Variants in SPESP1 observed in about 807,000 individuals in gnomAD.
SPESP1 encodes equatorial segment protein.
SPESP1 carries 1 observed loss-of-function variant against 3.1 expected under a neutral mutation model. The observed-to-expected ratio is 0.33, with a 90% CI of 0.12 to 1.54. SPESP1 has a LOEUF of 1.54. Among genes scored for constraint, SPESP1 ranks in the 40% most tolerant of loss-of-function variants. The pLI, the probability that SPESP1 is intolerant of heterozygous loss-of-function variation, is 0.38. For missense variants in SPESP1, 398 were observed against 410.1 expected, an observed-to-expected ratio of 0.97 and a Z score of 0.26; for synonymous variants, 138 against 150.7, an observed-to-expected ratio of 0.92 and a Z score of 0.62.
intron 1 of SPESP1, among the ~76,000 whole-genome samples, chr15:68,934,576 T>C (rs1477844511): frequency 6.6e-6 from 1 of 151,906 alleles, no homozygotes; most frequent in Non-Finnish European, 1.5e-5. Flanking sequence ...TGTGGGGGAG[T>C]AGCAGGAAGT....
At chr15:68,936,499 T>C (rs1895685290) in intron 1 of SPESP1, among the ~76,000 whole-genome samples, 1 of 152,210 alleles carries the variant, frequency 6.6e-6, no homozygotes. Context: ...ATATGAAATG[T>C]CTAGCATAGG....
At position 68,946,722 on chromosome 15, in the gene SPESP1, C is replaced by T. The variant is rs1017225713; in HGVS notation, c.*135C>T. Reference sequence around the variant, plus strand: ...TATAAAAATATTTTCTATTGTAGTTCAAATGTGCCAACATCTTTATGTGTC... The same window carrying T: ...TATAAAAATATTTTCTATTGTAGTTTAAATGTGCCAACATCTTTATGTGTC... On this transcript the variant is annotated 3_prime_UTR_variant, in exon 2 of 2. Coordinates refer to ENST00000310673, the MANE Select transcript of SPESP1 (RefSeq NM_145658.4). The T allele has an allele frequency of 9.0e-7, 1 of 1,108,188 alleles. No homozygotes were observed. Among genetic ancestry groups the T allele is most frequent in the Admixed American group, 3.7e-5 (1 of 26,708 alleles). 68.6% of individuals were successfully genotyped at this position (1,108,188 alleles called of 1,614,324 possible). A position where few individuals can be genotyped will look rare whatever the true frequency, so the allele number is the denominator to read the frequency against.
At chr15:68,930,738 G>C (rs1369540977) in intron 1 of SPESP1, 21 bp downstream of exon 1, 2 of 1,613,610 alleles carry the variant, frequency 1.2e-6, no homozygotes, top group Non-Finnish European at 1.7e-6. Flanking sequence ...GGCCTGAGGA[G>C]GCAGCGGACC....
intron 1 of SPESP1, among the ~76,000 whole-genome samples, chr15:68,936,189 A>G (rs971240205): frequency 3.9e-5 from 6 of 152,206 alleles, no homozygotes; most frequent in Non-Finnish European, 5.9e-5. Context: ...TGAGTTCTTT[A>G]TGGATAAAGC....
chr15:68,946,578 A>C lies in SPESP1; in HGVS notation c.1044A>C (p.Lys348Asn). The C allele has an allele frequency of 6.8e-7, 1 of 1,466,164 alleles. No homozygotes were observed. The highest frequency in any genetic ancestry group is 1.7e-5 in the South Asian group (1 of 59,972). The allele number at this position is 1,466,164 out of a possible 1,614,324, so 90.8% of individuals were successfully genotyped here. A position where few individuals can be genotyped will look rare whatever the true frequency, so the allele number is the denominator to read the frequency against. ...CRSRRVTALL[K>N]VY The stretch of plus-strand genomic sequence containing the variant: ...CAAGGAGAGTCACAGCCTTATTAAA[A>C]GTTTATTAAACAATAATATAAAAAT... Residue 348 changes from lysine (K) to asparagine (N), a missense_variant, in exon 2 of 2, where the codon AAA becomes AAC. Transcript: ENST00000310673.
intron 1 of SPESP1, among the ~76,000 whole-genome samples, chr15:68,944,076 G>A (rs1178295739): frequency 6.6e-6 from 1 of 152,054 alleles, no homozygotes; most frequent in African/African-American, 2.4e-5. Flanking sequence ...TTAGTGTTTG[G>A]TAAAAAGTGA....
chr15:68,932,713 C>T (rs529880407), intron 1 of SPESP1, among the ~76,000 whole-genome samples: 11 of 152,034 alleles, frequency 7.2e-5, no homozygotes, highest in Admixed American at 2.0e-4. Flanking sequence ...TTTCTTAGCA[C>T]CCTATTCCCT....
intron 1 of SPESP1, among the ~76,000 whole-genome samples, chr15:68,935,156 T>C (rs911296192): frequency 4.6e-5 from 7 of 152,246 alleles, no homozygotes; most frequent in African/African-American, 1.7e-4. Flanking sequence ...TTTAAAATAA[T>C]GAGTTTATTT....
Position 68,930,555 on chromosome 15 carries a change from A to ACGGT in SPESP1, c.-98_-95dup. The ACGGT allele has an allele frequency of 1.3e-6, 2 of 1,505,758 alleles. No homozygotes were observed. The highest frequency in any genetic ancestry group is 1.8e-6 in the Non-Finnish European group (2 of 1,094,920). The allele number at this position is 1,505,758 out of a possible 1,614,324, so 93.3% of individuals were successfully genotyped here. On this transcript the variant is annotated 5_prime_UTR_variant, in exon 1 of 2. Coordinates refer to ENST00000310673, the MANE Select transcript of SPESP1 (RefSeq NM_145658.4). The stretch of plus-strand genomic sequence containing the variant: ...TGGGTGTCCCAGGGCCTGAGGCAGG[A>ACGGT]CGGTACTCCGCTGACACCTTCCCTT...
At position 68,946,255 on chromosome 15, in the gene SPESP1, C is replaced by G. The variant is rs895372649; in HGVS notation, c.721C>G (p.Leu241Val). 9.9e-6 allele frequency: 16 copies of G among 1,614,056 alleles called. No homozygotes were observed. Among genetic ancestry groups the G allele is most frequent in the East Asian group, 6.7e-5 (3 of 44,892 alleles). The change falls in exon 2 of 2, where the codon CTT (leucine) becomes GTT (valine). Residue 241 changes from leucine to valine, a missense_variant. By Grantham distance (32) the Leu-to-Val change is conservative. Coordinates refer to ENST00000310673, the MANE Select transcript of SPESP1 (RefSeq NM_145658.4). ...LDINSQVQQA[L>V]LSDTSNPAYR... is the part of the protein sequence containing the mutation. ...TATTAATTCACAAGTGCAACAGGCA[C>G]TTCTTAGTGACACCAGCAACCCAGC...
chr15:68,946,477 G>A lies in SPESP1; in HGVS notation c.943G>A (p.Asp315Asn), dbSNP rs759456907. ...TAGATCTAAACTCTATGAATATTTA[G>A]ATATTAAATGTGTTCCACCAGAGAT... Reference protein sequence around the residue: ...NSRSKLYEYLDIKCVPPEMRE... With the variant: ...NSRSKLYEYLNIKCVPPEMRE... The change falls in exon 2 of 2, where the codon GAT becomes AAT. Residue 315 changes from aspartate (D) to asparagine (N), a missense_variant. Transcript: ENST00000310673. 6.2e-7 allele frequency: 1 copy of A among 1,613,418 alleles called. No individual in the cohort carries two copies. The highest frequency in any genetic ancestry group is 2.2e-5 in the East Asian group (1 of 44,856).
At chr15:68,931,798 A>G (rs1895550155) in intron 1 of SPESP1, among the ~76,000 whole-genome samples, 1 of 152,224 alleles carries the variant, frequency 6.6e-6, no homozygotes, top group Non-Finnish European at 1.5e-5. Flanking sequence ...AGGCTTCCCC[A>G]TTTAGTCTAA....
intron 1 of SPESP1, among the ~76,000 whole-genome samples, chr15:68,940,720 G>A (rs1348319118): frequency 6.9e-6 from 1 of 145,002 alleles, no homozygotes; most frequent in Non-Finnish European, 1.5e-5. Flanking sequence ...TATATTGTTA[G>A]TTATATCTAG....
In SPESP1 at chr15:68,946,332, T is replaced by C. The variant is rs762029726; in HGVS notation, c.798T>C (p.Ala266=). Residue 266 remains alanine, a synonymous_variant, in exon 2 of 2, where the codon GCT becomes GCC. Transcript: ENST00000310673. ...ASKDHLKRSL[A]LAAAAEHKLK... ...AAGATCACCTAAAACGAAGCCTTGC[T>C]CTAGCAGCAGCAGCAGAACATAAAT... 6.2e-7 allele frequency: 1 copy of C among 1,614,178 alleles called. No individual in the cohort carries two copies. The highest frequency in any genetic ancestry group is 1.1e-5 in the South Asian group (1 of 91,088).
intron 1 of SPESP1, among the ~76,000 whole-genome samples, chr15:68,945,351 TAG>T: frequency 6.6e-6 from 1 of 152,282 alleles, no homozygotes; most frequent in South Asian, 2.1e-4. Flanking sequence ...AGCAAAAATA[TAG>T]AGAGAATGGT....
rs759735287 is a variant in SPESP1 at position 68,930,686 on chromosome 15, G to C, written c.33G>C (p.Leu11Phe). The change falls in exon 1 of 2, where the codon TTG becomes TTC. Residue 11 changes from leucine (L) to phenylalanine (F), a missense_variant. By Grantham distance (22) the Leu-to-Phe change is conservative. Coordinates refer to ENST00000310673, the MANE Select transcript of SPESP1 (RefSeq NM_145658.4). Reference sequence around the variant, plus strand: ...CCTTAGTCCTTCTAGTTGCGCTTTTGCTATGGCCTTCGTCTGTGCCGGCTT... The same window carrying C: ...CCTTAGTCCTTCTAGTTGCGCTTTTCCTATGGCCTTCGTCTGTGCCGGCTT... Reference protein sequence around the residue: MKPLVLLVALLLWPSSVPAYP... With the variant: MKPLVLLVALFLWPSSVPAYP... The C allele has an allele frequency of 6.2e-7, 1 of 1,613,930 alleles. No homozygotes were observed. The highest frequency in any genetic ancestry group is 2.2e-5 in the East Asian group (1 of 44,868).
chr15:68,936,723 G>T (rs1281628250), intron 1 of SPESP1, among the ~76,000 whole-genome samples: 2 of 152,114 alleles, frequency 1.3e-5, no homozygotes, highest in African/African-American at 4.8e-5. Flanking sequence ...TTAAGATTGT[G>T]ATTTACTTAC....
chr15:68,930,789 A>G, intron 1 of SPESP1, 72 bp downstream of exon 1: 1 of 1,607,248 alleles, frequency 6.2e-7, no homozygotes, highest in African/African-American at 1.3e-5. Context: ...CGCGACCTCG[A>G]AGCCTGGCCC....
At chr15:68,931,508 AAAGG>A (rs1172375900) in intron 1 of SPESP1, among the ~76,000 whole-genome samples, 1 of 152,094 alleles carries the variant, frequency 6.6e-6, no homozygotes, top group Non-Finnish European at 1.5e-5. Flanking sequence ...GTACAGAAAA[AAAGG>A]TTGACCCGTA....
Sources: gnomAD v4.1 joint callset for allele counts (sites outside exome capture counted in the v4.1 genomes callset) on GRCh38, gnomAD v4.1.1 for gene constraint, MANE v1.5 for transcripts, NCBI Gene and HGNC (gene_info 2026-07-23, HGNC 2026-07-21) for gene names.